The following CELF2 variants were observed in gnomAD, a reference collection of about 807,000 sequenced individuals.
CELF2 encodes the protein CUG triplet repeat RNA-binding protein 2.
A neutral mutation model predicts 62.6 loss-of-function variants in CELF2; 8 were observed. The observed-to-expected ratio is 0.13, with a 90% CI of 0.07 to 0.23. CELF2 has a LOEUF of 0.23. Ranked by LOEUF, CELF2 falls within the 10% of genes least tolerant of loss-of-function variation. CELF2 has a pLI of 1.00. For missense variants in CELF2, 333 were observed against 671.0 expected (o/e 0.50, Z 5.56); for synonymous variants, 258 against 250.0 (o/e 1.03, Z -0.30).
chr10:10,495,497 T>C, the CELF2 span, among the ~76,000 whole-genome samples: 23 of 152,256 alleles, frequency 1.5e-4, no homozygotes, highest in African/African-American at 5.1e-4. Flanking sequence ...AGAAAACTCA[T>C]GTAGAGGACC....
At position 11,177,231 on chromosome 10, in the gene CELF2, TAGGGAGGTATTA is replaced by T. The variant is rs2071530152; in HGVS notation, c.271+11551_271+11562del. ...GGCATCCCCTACACAGAATGTTTAG[TAGGGAGGTATTA>T]AAATTAATAGCAATTCTGAGTAAGT... On this transcript the variant is annotated intron_variant, in intron 2 of 12. Coordinates refer to ENST00000633077, the MANE Select transcript of CELF2 (RefSeq NM_001326342.2). The surrounding 1 kb of genome is among the most constrained non-coding windows in gnomAD (Gnocchi z 4.8). Among the ~76,000 whole-genome samples the T allele has an allele frequency of 6.6e-6, 1 of 152,182 alleles. No homozygotes were observed. Among genetic ancestry groups the T allele is most frequent in the African/African-American group, 2.4e-5 (1 of 41,434 alleles).
Position 11,244,621 on chromosome 10 carries a change from C to G in CELF2, c.355-4532C>G, listed in dbSNP as rs2075045856. On this transcript the variant is annotated intron_variant, in intron 3 of 12. Transcript: ENST00000633077. This position sits in a 1 kb window ranked among gnomAD's most constrained non-coding sequence, Gnocchi z 4.2. Reference sequence around the variant, plus strand: ...AGTGAGCCGAGATCATGCCACTGCACTCCATCCAGCCTAGGTGACAGAGCA... The same window carrying G: ...AGTGAGCCGAGATCATGCCACTGCAGTCCATCCAGCCTAGGTGACAGAGCA... Among the ~76,000 whole-genome samples the G allele has an allele frequency of 6.6e-6, 1 of 150,622 alleles. No individual in the cohort carries two copies. Among genetic ancestry groups the G allele is most frequent in the Non-Finnish European group, 1.5e-5 (1 of 67,794 alleles).
At chr10:11,017,829 G>C (rs1324629509), upstream of CELF2, 3 of 459,398 alleles carry the variant, frequency 6.5e-6, no homozygotes, top group Non-Finnish European at 8.6e-6. The surrounding 1 kb of genome is among the most constrained non-coding windows in gnomAD (Gnocchi z 5.5). Context: ...CTGGGCCGGC[G>C]GGCCCGCAGG....
At chr10:10,780,664 A>G in the CELF2 span, among the ~76,000 whole-genome samples, 2,565 of 152,286 alleles carry the variant, frequency 0.017, 92 homozygotes, top group African/African-American at 0.058. Context: ...TATTTTTAAT[A>G]GAGACAGGGT....
At chr10:10,651,357 G>A in the CELF2 span, among the ~76,000 whole-genome samples, 2 of 148,976 alleles carry the variant, frequency 1.3e-5, no homozygotes, top group African/African-American at 4.9e-5. Context: ...CTCGAACTGG[G>A]TGGAACCCAC....
chr10:10,577,508 C>T, the CELF2 span, among the ~76,000 whole-genome samples: 5 of 151,548 alleles, frequency 3.3e-5, no homozygotes, highest in East Asian at 9.8e-4. Context: ...ATCCCTCCCC[C>T]CTCACCCCAC....
At chr10:10,690,103 A>G in the CELF2 span, among the ~76,000 whole-genome samples, 1 of 152,190 alleles carries the variant, frequency 6.6e-6, no homozygotes, top group Admixed American at 6.5e-5. Flanking sequence ...TTCTCTTTGT[A>G]TCATTTTTCT....
At chr10:10,804,854 C>G (rs1042009628) in intron 1 of CELF2, among the ~76,000 whole-genome samples, 2 of 152,180 alleles carry the variant, frequency 1.3e-5, no homozygotes, top group Non-Finnish European at 2.9e-5. Context: ...TCCTAAGATG[C>G]ATCCCAGATT....
At chr10:10,726,742 C>A in the CELF2 span, among the ~76,000 whole-genome samples, 2 of 152,260 alleles carry the variant, frequency 1.3e-5, no homozygotes, top group South Asian at 4.1e-4. Context: ...ACAATTTAAT[C>A]CTTTAGTATT....
chr10:10,495,459 G>A, the CELF2 span, among the ~76,000 whole-genome samples: 3 of 152,146 alleles, frequency 2.0e-5, no homozygotes, highest in African/African-American at 7.2e-5. Flanking sequence ...CCTTTACTAG[G>A]AACTAGTGGA....
chr10:10,640,736 C>T, the CELF2 span, among the ~76,000 whole-genome samples: 1 of 152,190 alleles, frequency 6.6e-6, no homozygotes, highest in Non-Finnish European at 1.5e-5. Context: ...TTAGCATTCT[C>T]ATACTATTTT....
intron 1 of CELF2, among the ~76,000 whole-genome samples, chr10:11,113,822 A>G (rs537567400): frequency 6.6e-6 from 1 of 152,276 alleles, no homozygotes; most frequent in East Asian, 1.9e-4. Context: ...AACAAAAGCA[A>G]GGTTCTTGAT....
chr10:10,919,040 G>A (rs2064617245), intron 1 of CELF2, among the ~76,000 whole-genome samples: 1 of 152,108 alleles, frequency 6.6e-6, no homozygotes, highest in African/African-American at 2.4e-5. Context: ...GTAAGCTGAG[G>A]CAGGCAGATC....
chr10:10,993,385 G>A lies in CELF2; in HGVS notation c.89+73386G>A, dbSNP rs996167012. Among the ~76,000 whole-genome samples the A allele has an allele frequency of 3.9e-5, 6 of 152,022 alleles. No homozygotes were observed. Among genetic ancestry groups the A allele is most frequent in the African/African-American group, 1.4e-4 (6 of 41,394 alleles). On this transcript the variant is annotated intron_variant, in intron 2 of 13. Transcript: ENST00000636488. The surrounding 1 kb of genome is among the most constrained non-coding windows in gnomAD (Gnocchi z 5.3). ...AGAGTAAATTGGGAAACACTTTCAGGGCAGGTGATATTTGAACTGCAACTG... is the reference window on the plus strand; with the variant it reads ...AGAGTAAATTGGGAAACACTTTCAGAGCAGGTGATATTTGAACTGCAACTG...
intron 1 of CELF2, among the ~76,000 whole-genome samples, chr10:10,839,228 C>A (rs1397666066): frequency 6.6e-6 from 1 of 152,196 alleles, no homozygotes; most frequent in Non-Finnish European, 1.5e-5. Context: ...TCTAGGCCCT[C>A]TCAGCTGACA....
Position 11,028,576 on chromosome 10 carries a change from T to G in CELF2, c.74+10413T>G, listed in dbSNP as rs542929569. ...CTGGGATTACAGGCGCCCGCCACCA[T>G]GCCCTGCTAATTTTTTGTATTTTTA... On this transcript the variant is annotated intron_variant, in intron 1 of 12. Transcript: ENST00000633077. 7.3e-5 allele frequency among the ~76,000 whole-genome samples: 11 copies of G among 151,172 alleles called. No homozygotes were observed. The South Asian group carries it at 2.3e-3, about 32-fold the overall frequency.
the CELF2 span, among the ~76,000 whole-genome samples, chr10:10,713,594 G>A: frequency 6.6e-6 from 1 of 152,182 alleles, no homozygotes; most frequent in African/African-American, 2.4e-5. Flanking sequence ...CTATTCAGGT[G>A]AACTACTGTT....
intron 2 of CELF2, among the ~76,000 whole-genome samples, chr10:11,196,990 A>G (rs12762081): frequency 0.029 from 1,212 of 42,300 alleles, 238 homozygotes; most frequent in African/African-American, 0.081. Context: ...AGAAAGAAAG[A>G]AAGGAAGGAA....
rs1209714807 is a variant in CELF2 at position 11,302,482 on chromosome 10, G to T, written c.977-11657G>T. On this transcript the variant is annotated intron_variant, in intron 9 of 12. Coordinates refer to ENST00000633077, the MANE Select transcript of CELF2 (RefSeq NM_001326342.2). This position sits in a 1 kb window ranked among gnomAD's most constrained non-coding sequence, Gnocchi z 5.0. ...ACGATCTTCTCCATTAAATGTGTCTGTGGCTGCAGTGCCCCCAAAGGACAG... is the reference window on the plus strand; with the variant it reads ...ACGATCTTCTCCATTAAATGTGTCTTTGGCTGCAGTGCCCCCAAAGGACAG... Among the ~76,000 whole-genome samples, 1 of 152,176 alleles carries T rather than the reference G, an allele frequency of 6.6e-6. No individual in the cohort carries two copies. The highest frequency in any genetic ancestry group is 2.4e-5 in the African/African-American group (1 of 41,442).
Sources: allele counts gnomAD v4.1 joint callset (sites outside exome capture counted in the v4.1 genomes callset), GRCh38; gene constraint gnomAD v4.1.1; non-coding constraint Gnocchi (gnomAD v3.1); transcripts MANE v1.5; gene names NCBI Gene and HGNC (gene_info 2026-07-23, HGNC 2026-07-21).